Variants in KIAA0825 observed in about 807,000 individuals in gnomAD.
KIAA0825 encodes the protein uncharacterized protein KIAA0825.
KIAA0825 carries 119 observed loss-of-function variants against 147.6 expected under a neutral mutation model. That is an observed-to-expected ratio of 0.81 (90% CI 0.69 to 0.94). KIAA0825 has a LOEUF of 0.94. KIAA0825 is among the 40% of genes least tolerant of loss of function. The pLI, the probability that KIAA0825 is intolerant of heterozygous loss-of-function variation, is 0.00. For missense variants in KIAA0825, 1,381 were observed against 1,472.7 expected, an observed-to-expected ratio of 0.94 and a Z score of 1.02; for synonymous variants, 470 against 518.1, an observed-to-expected ratio of 0.91 and a Z score of 1.26.
chr5:94,398,466 C>T (rs1456441469), intron 16 of KIAA0825, among the ~76,000 whole-genome samples: 2 of 152,108 alleles, frequency 1.3e-5, no homozygotes, highest in Admixed American at 6.6e-5. Flanking sequence ...CAATGGAATG[C>T]CTTCTGTCTT....
chr5:94,301,234 T>C (rs1778386010), intron 20 of KIAA0825, among the ~76,000 whole-genome samples: 1 of 152,146 alleles, frequency 6.6e-6, no homozygotes, highest in African/African-American at 2.4e-5. Flanking sequence ...ACATAAGTGG[T>C]AACTGTTCAT....
intron 14 of KIAA0825, among the ~76,000 whole-genome samples, chr5:94,431,351 A>G (rs1016209793): frequency 4.6e-5 from 7 of 152,238 alleles, no homozygotes; most frequent in African/African-American, 1.7e-4. Flanking sequence ...CAGGCCTGCA[A>G]TCATTCAACA....
chr5:94,457,576 G>A (rs1279420057), intron 12 of KIAA0825, among the ~76,000 whole-genome samples: 2 of 152,124 alleles, frequency 1.3e-5, no homozygotes, highest in Admixed American at 6.5e-5. Flanking sequence ...TGCCGACCAC[G>A]CCAGCACTCT....
intron 1 of KIAA0825, among the ~76,000 whole-genome samples, chr5:94,582,892 G>C (rs1782477397): frequency 6.6e-6 from 1 of 152,140 alleles, no homozygotes; most frequent in South Asian, 2.1e-4. Context: ...TTATCACAAA[G>C]AGAGTAACGT....
At chr5:94,275,599 A>ATGTT (rs544402953) in intron 20 of KIAA0825, among the ~76,000 whole-genome samples, 6 of 152,164 alleles carry the variant, frequency 3.9e-5, no homozygotes, top group African/African-American at 1.4e-4. Flanking sequence ...GAATGAATGA[A>ATGTT]TGTTTGAGTG....
At chr5:94,290,903 A>C (rs1459119686) in intron 20 of KIAA0825, among the ~76,000 whole-genome samples, 2 of 151,770 alleles carry the variant, frequency 1.3e-5, no homozygotes, top group Non-Finnish European at 3.0e-5. Context: ...GCTTTTTTTC[A>C]TATGTTTCTT....
intron 20 of KIAA0825, among the ~76,000 whole-genome samples, chr5:94,186,007 T>G (rs1293853814): frequency 1.3e-5 from 2 of 152,210 alleles, no homozygotes; most frequent in East Asian, 3.8e-4. Context: ...TGAGGTCATT[T>G]TCAAAACTCA....
chr5:94,399,557 G>A (rs1039969568), intron 16 of KIAA0825, among the ~76,000 whole-genome samples: 13 of 152,096 alleles, frequency 8.5e-5, no homozygotes, highest in Non-Finnish European at 1.8e-4. Context: ...CAAGGGCTCT[G>A]AGTCTATGAT....
intron 1 of KIAA0825, among the ~76,000 whole-genome samples, chr5:94,616,158 A>C (rs1261302929): frequency 1.3e-5 from 2 of 152,180 alleles, no homozygotes; most frequent in African/African-American, 4.8e-5. Context: ...TATCCCTGAG[A>C]TCTGCCTACG....
intron 20 of KIAA0825, among the ~76,000 whole-genome samples, chr5:94,346,352 C>G (rs180725432): frequency 6.6e-6 from 1 of 152,204 alleles, no homozygotes. Flanking sequence ...ATATTAAGTA[C>G]TATATATTAA....
chr5:94,395,984 C>G, intron 17 of KIAA0825, 117 bp downstream of exon 17: 1 of 901,534 alleles, frequency 1.1e-6, no homozygotes, highest in Non-Finnish European at 1.6e-6. Flanking sequence ...ATCAAAGCTG[C>G]CATGAATTTA....
chr5:94,153,836 T>A lies in KIAA0825; in HGVS notation c.*171A>T. On this transcript the variant is annotated 3_prime_UTR_variant, in exon 21 of 21. Coordinates refer to ENST00000682413, the MANE Select transcript of KIAA0825 (RefSeq NM_001145678.3). ...TGAAATTATTTTTAAAATAAAAAAATATGTAGCACCTTATCCTTTATGTGC... is the reference window on the plus strand; with the variant it reads ...TGAAATTATTTTTAAAATAAAAAAAAATGTAGCACCTTATCCTTTATGTGC... The A allele has an allele frequency of 2.3e-6, 1 of 437,942 alleles. No individual in the cohort carries two copies. The highest frequency in any genetic ancestry group is 4.1e-6 in the Non-Finnish European group (1 of 246,540). The allele number at this position is 437,942 out of a possible 1,614,324, so 27.1% of individuals were successfully genotyped here.
intron 20 of KIAA0825, among the ~76,000 whole-genome samples, chr5:94,183,898 T>C (rs1338199332): frequency 6.6e-6 from 1 of 152,210 alleles, no homozygotes; most frequent in African/African-American, 2.4e-5. Context: ...CCCTGAGTTT[T>C]ATGAGCCATT....
Position 94,472,157 on chromosome 5 carries a change from T to A in KIAA0825, c.1456-426A>T, listed in dbSNP as rs575561988. On this transcript the variant is annotated intron_variant, in intron 8 of 20. Coordinates refer to ENST00000682413, the MANE Select transcript of KIAA0825 (RefSeq NM_001145678.3). The stretch of plus-strand genomic sequence containing the variant: ...AATTGCCATAAAGGGTTTTTAAAAA[T>A]TAAATGCCACATATAAATGTCAGTG... Among the ~76,000 whole-genome samples, 87 of 152,338 alleles carry A rather than the reference T, an allele frequency of 5.7e-4. 1 individual carries two copies. Among genetic ancestry groups the A allele is most frequent in the African/African-American group, 1.9e-3 (79 of 41,574 alleles).
intron 5 of KIAA0825, among the ~76,000 whole-genome samples, chr5:94,499,487 C>A (rs1317085353): frequency 4.0e-5 from 6 of 151,788 alleles, no homozygotes; most frequent in Non-Finnish European, 5.9e-5. Flanking sequence ...TTAGAAGGAA[C>A]CCCTACTTCC....
At chr5:94,191,854 G>A (rs1342508830) in intron 20 of KIAA0825, among the ~76,000 whole-genome samples, 1 of 152,226 alleles carries the variant, frequency 6.6e-6, no homozygotes, top group Non-Finnish European at 1.5e-5. Context: ...GGGGATCCAA[G>A]TGGAGAGACC....
chr5:94,181,137 A>G (rs1769575960), intron 20 of KIAA0825, among the ~76,000 whole-genome samples: 1 of 152,248 alleles, frequency 6.6e-6, no homozygotes, highest in Non-Finnish European at 1.5e-5. Context: ...TACCCTATCC[A>G]AAATGTCTAC....
At chr5:94,224,570 G>A (rs1773987906) in intron 20 of KIAA0825, among the ~76,000 whole-genome samples, 1 of 152,096 alleles carries the variant, frequency 6.6e-6, no homozygotes, top group South Asian at 2.1e-4. Context: ...GACTAGAGAA[G>A]GGCAAACTGA....
chr5:94,342,035 T>A (rs1187246456), intron 20 of KIAA0825, among the ~76,000 whole-genome samples: 1 of 151,786 alleles, frequency 6.6e-6, no homozygotes, highest in Non-Finnish European at 1.5e-5. Flanking sequence ...CTACTAAAAA[T>A]ACAAAAAGAA....
Sources: gnomAD v4.1 joint callset for allele counts (sites outside exome capture counted in the v4.1 genomes callset) on GRCh38, gnomAD v4.1.1 for gene constraint, MANE v1.5 for transcripts, NCBI Gene and HGNC (gene_info 2026-07-23, HGNC 2026-07-21) for gene names.